IL20RA: variants seen among roughly 807,000 people sequenced by gnomAD.
The protein encoded by IL20RA is interleukin-20 receptor subunit alpha.
In IL20RA, 29 loss-of-function variants were observed where a neutral mutation model predicts 36.5. The observed-to-expected ratio is 0.79, with a 90% CI of 0.59 to 1.08. IL20RA has a LOEUF of 1.08. IL20RA is among the 50% of genes least tolerant of loss of function. IL20RA has a pLI of 0.00. For missense variants in IL20RA, 652 were observed against 668.4 expected, an observed-to-expected ratio of 0.98 and a Z score of 0.27; for synonymous variants, 279 against 267.1, an observed-to-expected ratio of 1.04 and a Z score of -0.43.
In IL20RA at chr6:137,031,183, A is replaced by G. The variant is rs539809906; in HGVS notation, c.88+13458T>C. On this transcript the variant is annotated intron_variant, in intron 1 of 6. Transcript: ENST00000316649. ...AGACTTAAAACAGCCCATTTCCTCC[A>G]AGCACATCCAATTCGCTCACCTATG... 1.2e-4 allele frequency among the ~76,000 whole-genome samples: 18 copies of G among 152,308 alleles called. No individual in the cohort carries two copies. The East Asian group carries it at 3.3e-3, about 28-fold the overall frequency.
At chr6:137,041,212 T>C (rs1421959586) in intron 1 of IL20RA, among the ~76,000 whole-genome samples, 1 of 152,192 alleles carries the variant, frequency 6.6e-6, no homozygotes, top group Non-Finnish European at 1.5e-5. Flanking sequence ...CTGTCACCAG[T>C]TGGAGAAGAC....
intron 2 of IL20RA, among the ~76,000 whole-genome samples, chr6:137,013,335 C>T (rs1775562938): frequency 6.6e-6 from 1 of 152,154 alleles, no homozygotes; most frequent in Non-Finnish European, 1.5e-5. Flanking sequence ...AGGCTCTTTA[C>T]AAGATTTTCA....
At chr6:137,013,816 C>G (rs1485119231) in intron 2 of IL20RA, among the ~76,000 whole-genome samples, 1 of 152,150 alleles carries the variant, frequency 6.6e-6, no homozygotes, top group East Asian at 1.9e-4. Context: ...GAGCTTGGAG[C>G]CCTCTGGCAG....
chr6:137,026,315 A>G (rs996637279), intron 1 of IL20RA, among the ~76,000 whole-genome samples: 3 of 152,120 alleles, frequency 2.0e-5, no homozygotes, highest in African/African-American at 7.2e-5. Flanking sequence ...CTGACCAGGA[A>G]CTCTTCGGGC....
At chr6:137,015,405 CTGT>C (rs1344972554) in intron 2 of IL20RA, among the ~76,000 whole-genome samples, 1 of 152,248 alleles carries the variant, frequency 6.6e-6, no homozygotes, top group East Asian at 1.9e-4. Context: ...TTTACAGATC[CTGT>C]TGTTTATGCA....
chr6:137,022,054 G>A (rs276480), intron 1 of IL20RA, among the ~76,000 whole-genome samples: 124,086 of 152,176 alleles, frequency 0.82, 56,260 homozygotes, highest in East Asian at 1. Context: ...ACATGCCAGC[G>A]TTGTAAACCA....
chr6:137,037,768 G>C (rs1239279107), intron 1 of IL20RA, among the ~76,000 whole-genome samples: 1 of 152,156 alleles, frequency 6.6e-6, no homozygotes, highest in Non-Finnish European at 1.5e-5. Flanking sequence ...CAGTTTTCTG[G>C]GGAGGTGGTT....
At chr6:137,029,939 G>C (rs1776213229) in intron 1 of IL20RA, among the ~76,000 whole-genome samples, 1 of 29,872 alleles carries the variant, frequency 3.3e-5, no homozygotes, top group Admixed American at 5.4e-4. Flanking sequence ...TAATAGAAAA[G>C]GTAAAAAAAA....
chr6:137,034,214 C>A (rs915310571), intron 1 of IL20RA, among the ~76,000 whole-genome samples: 3 of 152,044 alleles, frequency 2.0e-5, no homozygotes, highest in African/African-American at 7.2e-5. Context: ...TCATCCTTTC[C>A]ATGGGATTTT....
chr6:137,017,971 T>C (rs1326410790), intron 1 of IL20RA, among the ~76,000 whole-genome samples: 1 of 152,172 alleles, frequency 6.6e-6, no homozygotes, highest in African/African-American at 2.4e-5. Context: ...AGTGGTAATA[T>C]GTAGGAATCA....
chr6:137,018,031 C>A (rs1206796162), intron 1 of IL20RA, among the ~76,000 whole-genome samples: 1 of 152,070 alleles, frequency 6.6e-6, no homozygotes, highest in African/African-American at 2.4e-5. Context: ...GAGTGATAAC[C>A]AATCAGGTTT....
intron 1 of IL20RA, among the ~76,000 whole-genome samples, chr6:137,023,779 G>A (rs1286924524): frequency 6.6e-6 from 1 of 152,146 alleles, no homozygotes; most frequent in Non-Finnish European, 1.5e-5. Flanking sequence ...TATCTATTTT[G>A]ATGATGCAAA....
At chr6:137,004,160 T>TG (rs1562228029) in intron 6 of IL20RA, among the ~76,000 whole-genome samples, 4 of 55,822 alleles carry the variant, frequency 7.2e-5, no homozygotes, top group African/African-American at 2.5e-4. Context: ...TCCAGAAAGC[T>TG]TTTTTTTTTT....
chr6:137,029,160 C>T (rs1324089943), intron 1 of IL20RA, among the ~76,000 whole-genome samples: 1 of 152,226 alleles, frequency 6.6e-6, no homozygotes, highest in African/African-American at 2.4e-5. Flanking sequence ...ACCAGTCCCA[C>T]TACTTTATGT....
intron 6 of IL20RA, among the ~76,000 whole-genome samples, chr6:137,004,173 T>TTTTTTTTTTTTTG (rs1562228074): frequency 6.7e-5 from 9 of 133,518 alleles, no homozygotes; most frequent in South Asian, 5.2e-4. Flanking sequence ...TTTTTTTTTT[T>TTTTTTTTTTTTTG]TTTTTTTTTT....
rs552852092 is a variant in IL20RA at position 137,004,900 on chromosome 6, A to C, written c.725-140T>G. 33 of 740,262 alleles carry C rather than the reference A, an allele frequency of 4.5e-5. No homozygotes were observed. The African/African-American group carries it at 5.6e-4, about 13-fold the overall frequency. The allele number at this position is 740,262 out of a possible 1,614,324, so 45.9% of individuals were successfully genotyped here. A position where few individuals can be genotyped will look rare whatever the true frequency, so the allele number is the denominator to read the frequency against. ...TTGGGAACTCAGTTTTCTCACCTCT[A>C]CGTTGAGAAGCTTAAGCTAAATGTT... On this transcript the variant is annotated intron_variant, in intron 5 of 6. Transcript: ENST00000316649.
chr6:137,003,309 A>G (rs911016491), intron 6 of IL20RA, among the ~76,000 whole-genome samples: 1 of 152,234 alleles, frequency 6.6e-6, no homozygotes, highest in African/African-American at 2.4e-5. Context: ...ACACGTGAAC[A>G]CATCTTTTAA....
At chr6:137,040,040 A>G (rs1280078221) in intron 1 of IL20RA, among the ~76,000 whole-genome samples, 5 of 152,240 alleles carry the variant, frequency 3.3e-5, no homozygotes, top group African/African-American at 1.2e-4. Context: ...AAAACTGTAC[A>G]TAAAGGCTAT....
intron 1 of IL20RA, among the ~76,000 whole-genome samples, chr6:137,034,750 C>G (rs1213799178): frequency 6.6e-6 from 1 of 151,880 alleles, no homozygotes; most frequent in Non-Finnish European, 1.5e-5. Context: ...ACCACCCTGG[C>G]TAACACGGTG....
Sources: gnomAD v4.1 joint callset for allele counts (sites outside exome capture counted in the v4.1 genomes callset) on GRCh38, gnomAD v4.1.1 for gene constraint, MANE v1.5 for transcripts, NCBI Gene and HGNC (gene_info 2026-07-23, HGNC 2026-07-21) for gene names.